The following KIF5C variants were observed in gnomAD, a reference collection of about 807,000 sequenced individuals.
KIF5C encodes kinesin heavy chain isoform 5C.
In KIF5C, 18 loss-of-function variants were observed where a neutral mutation model predicts 125.2. That is an observed-to-expected ratio of 0.14 (90% CI 0.10 to 0.21). The LOEUF is 0.21. Ranked by LOEUF, KIF5C falls within the 10% of genes least tolerant of loss-of-function variation. The pLI is 1.00. For synonymous variants in KIF5C, 405 were observed against 434.0 expected (o/e 0.93, Z 0.83); for missense variants, 780 against 1,183.8 (o/e 0.66, Z 5.01).
chr2:148,966,728 T>C (rs1318819721), intron 11 of KIF5C, among the ~76,000 whole-genome samples: 1 of 152,170 alleles, frequency 6.6e-6, no homozygotes, highest in African/African-American at 2.4e-5. Context: ...GTGGTGATAG[T>C]AGGAGGTGGG....
intron 1 of KIF5C, among the ~76,000 whole-genome samples, chr2:148,897,411 G>A (rs924928784): frequency 1.3e-5 from 2 of 152,020 alleles, no homozygotes; most frequent in African/African-American, 4.8e-5. Flanking sequence ...TCATTTGAAG[G>A]GCTGAAGGAC....
Position 148,875,819 on chromosome 2 carries a change from A to G in KIF5C, c.126+76A>G, listed in dbSNP as rs1352481625. On this transcript the variant is annotated intron_variant, in intron 1 of 25. Transcript: ENST00000435030. The stretch of plus-strand genomic sequence containing the variant: ...CGCCCCGACGCCCCAGACGCAGCGG[A>G]GGTGTTTAGGCCGCCCCCTCGGACA... 4 of 1,528,926 alleles carry G rather than the reference A, an allele frequency of 2.6e-6. 1 individual carries two copies. Among genetic ancestry groups the G allele is most frequent in the Middle Eastern group, 4.5e-4 (2 of 4,444 alleles). The allele number at this position is 1,528,926 out of a possible 1,614,324, so 94.7% of individuals were successfully genotyped here.
At chr2:149,005,079 T>G (rs1257282811) in intron 21 of KIF5C, among the ~76,000 whole-genome samples, 1 of 152,132 alleles carries the variant, frequency 6.6e-6, no homozygotes, top group African/African-American at 2.4e-5. Flanking sequence ...CATAGCCCAG[T>G]AGGAATTTTT....
At chr2:148,995,136 AC>A (rs10718872) in intron 17 of KIF5C, among the ~76,000 whole-genome samples, 2,419 of 152,148 alleles carry the variant, frequency 0.016, 63 homozygotes, top group African/African-American at 0.055. Context: ...GGTCCATTTC[AC>A]CTGCCAGAGG....
chr2:148,962,086 C>A lies in KIF5C; in HGVS notation c.1084C>A (p.His362Asn). 1 of 1,611,994 alleles carries A rather than the reference C, an allele frequency of 6.2e-7. No individual in the cohort carries two copies. The highest frequency in any genetic ancestry group is 8.5e-7 in the Non-Finnish European group (1 of 1,178,906). Reference protein sequence around the residue: ...KNKTLKNVIQHLEMELNRWRN... With the variant: ...KNKTLKNVIQNLEMELNRWRN... ...CAAGACTTTGAAGAATGTTATCCAG[C>A]ATCTGGAGATGGAGCTAAACAGGTG... is the stretch of plus-strand genomic sequence containing the variant. The change falls in exon 11 of 26, where the codon CAT becomes AAT. Residue 362 changes from histidine (H) to asparagine (N), a missense_variant. Coordinates refer to ENST00000435030, the MANE Select transcript of KIF5C (RefSeq NM_004522.3).
rs1681703127 is a variant in KIF5C, at chr2:148,997,314, C to T, written c.2074C>T (p.Arg692Trp). The T allele has an allele frequency of 1.2e-6, 2 of 1,613,926 alleles. No individual in the cohort carries two copies. The highest frequency in any genetic ancestry group is 1.3e-5 in the African/African-American group (1 of 75,012). Residue 692 changes from arginine (R) to tryptophan (W), a missense_variant, in exon 18 of 26, where the codon CGG becomes TGG. Arg to Trp is a moderately radical substitution (Grantham distance 101, BLOSUM62 -3). Transcript: ENST00000435030. ...FQDKEKEHLTRLQDAEEMKKA... is the reference protein window; with the variant it reads ...FQDKEKEHLTWLQDAEEMKKA... ...GGATAAGGAGAAGGAACATCTGACG[C>T]GGTTGCAGGATGCTGAAGAAATGAA...
intron 10 of KIF5C, among the ~76,000 whole-genome samples, chr2:148,954,109 A>G (rs1682736373): frequency 6.6e-6 from 1 of 151,030 alleles, no homozygotes; most frequent in African/African-American, 2.4e-5. Flanking sequence ...ATGAGTGAGA[A>G]CATGCGGTGT....
chr2:148,962,436 C>T (rs535084876), intron 11 of KIF5C, among the ~76,000 whole-genome samples: 43 of 151,966 alleles, frequency 2.8e-4, no homozygotes, highest in African/African-American at 1.0e-3. Flanking sequence ...ACCTTGGCCT[C>T]CCAAAGTGCT....
chr2:148,975,587 T>A (rs990065684), intron 12 of KIF5C, among the ~76,000 whole-genome samples: 2 of 152,166 alleles, frequency 1.3e-5, no homozygotes, highest in Non-Finnish European at 2.9e-5. Flanking sequence ...CCTCAGTGAA[T>A]CTATTTAGGG....
intron 11 of KIF5C, among the ~76,000 whole-genome samples, chr2:148,965,724 G>A (rs1001309044): frequency 9.2e-5 from 14 of 152,198 alleles, no homozygotes; most frequent in African/African-American, 2.9e-4. Context: ...ATGAATGACA[G>A]GTCTGAAAAC....
intron 2 of KIF5C, 124 bp from the exon 3 acceptor site, chr2:148,929,156 GA>G: frequency 1.6e-6 from 1 of 611,746 alleles, no homozygotes; most frequent in Non-Finnish European, 2.9e-6. Context: ...ACATGGAGTT[GA>G]AATATATCAT....
At chr2:148,942,808 A>T in intron 7 of KIF5C, 48 bp downstream of exon 7, 2 of 1,577,760 alleles carry the variant, frequency 1.3e-6, no homozygotes, top group African/African-American at 1.3e-5. Flanking sequence ...GGAGACAGAT[A>T]TCTGCCCACC....
chr2:148,998,422 A>G lies in KIF5C; in HGVS notation c.2123A>G (p.Glu708Gly). ...EMKKALEQQMESHREAHQKQL... is the reference protein window; with the variant it reads ...EMKKALEQQMGSHREAHQKQL... ...CAGAAGGCGCTGGAGCAGCAGATGG[A>G]GAGCCACCGGGAAGCTCACCAGAAG... The change falls in exon 19 of 26, where the codon GAG (glutamate) becomes GGG (glycine). Residue 708 changes from glutamate (E) to glycine (G), a missense_variant. Physicochemically the swap from Glu to Gly is moderately conservative, Grantham distance 98. This residue lies in a region of KIF5C where 573 missense variants were observed against 742.6 expected (regional missense o/e 0.77). Transcript: ENST00000435030. 6.4e-7 allele frequency: 1 copy of G among 1,565,354 alleles called. No individual in the cohort carries two copies. The highest frequency in any genetic ancestry group is 2.4e-5 in the East Asian group (1 of 42,416).
Position 148,973,392 on chromosome 2 carries a change from C to G in KIF5C, c.1174C>G (p.Pro392Ala). Residue 392 changes from proline (P) to alanine (A), a missense_variant, in exon 12 of 26, where the codon CCT becomes GCT. Physicochemically the swap from Pro to Ala is conservative, Grantham distance 27. Transcript: ENST00000435030. ...ISAKDQKNLEPCDNTPIIDNI... is the reference protein window; with the variant it reads ...ISAKDQKNLEACDNTPIIDNI... The stretch of plus-strand genomic sequence containing the variant: ...TGCCAAGGACCAGAAGAACCTGGAG[C>G]CTTGTGATAACACCCCCATCATAGA... 6.2e-7 allele frequency: 1 copy of G among 1,613,714 alleles called. No individual in the cohort carries two copies. The highest frequency in any genetic ancestry group is 8.5e-7 in the Non-Finnish European group (1 of 1,179,706).
chr2:148,930,555 C>T (rs998596799), intron 3 of KIF5C, among the ~76,000 whole-genome samples: 4 of 152,126 alleles, frequency 2.6e-5, no homozygotes, highest in South Asian at 2.1e-4. Flanking sequence ...AGCACTGAGA[C>T]GGCTGCTGCA....
intron 4 of KIF5C, among the ~76,000 whole-genome samples, chr2:148,941,396 T>C (rs886289868): frequency 6.6e-6 from 1 of 152,202 alleles, no homozygotes; most frequent in African/African-American, 2.4e-5. Context: ...CTGTGATGTG[T>C]GTAGGTGGAG....
rs138497089 is a variant in KIF5C, at chr2:148,942,826, G to T, written c.589+66G>T. The T allele has an allele frequency of 0.012, 18,993 of 1,562,688 alleles. 157 individuals are homozygous for T. Among genetic ancestry groups the T allele is most frequent in the Non-Finnish European group, 0.014 (16,624 of 1,152,918 alleles). On this transcript the variant is annotated intron_variant, in intron 7 of 25. Coordinates refer to ENST00000435030, the MANE Select transcript of KIF5C (RefSeq NM_004522.3). ...GACAGATATCTGCCCACCAACCGAG[G>T]GGGGTGGGGAATTAGGTACAAATGA...
chr2:148,951,285 TGAGAA>T (rs1682651655), intron 10 of KIF5C, among the ~76,000 whole-genome samples: 1 of 152,176 alleles, frequency 6.6e-6, no homozygotes, highest in Non-Finnish European at 1.5e-5. Flanking sequence ...GACTGTATGC[TGAGAA>T]GAGATGCAGA....
chr2:148,964,065 C>T (rs145786172), intron 11 of KIF5C, among the ~76,000 whole-genome samples: 3,134 of 152,190 alleles, frequency 0.021, 96 homozygotes, highest in African/African-American at 0.065. Context: ...CACCTGAGGT[C>T]GGGAGTTCGA....
Sources: allele counts gnomAD v4.1 joint callset (sites outside exome capture counted in the v4.1 genomes callset), GRCh38; gene constraint gnomAD v4.1.1; regional missense constraint gnomAD v4.1.1; transcripts MANE v1.5; gene names NCBI Gene and HGNC (gene_info 2026-07-23, HGNC 2026-07-21).